Variants in MBD5 observed in about 807,000 individuals in gnomAD.
MBD5 encodes the protein methyl-CpG binding domain protein 5.
A neutral mutation model predicts 117.3 loss-of-function variants in MBD5; 13 were observed. That is an observed-to-expected ratio of 0.11 (90% confidence interval 0.07 to 0.18). MBD5 has a LOEUF of 0.18. Ranked by LOEUF, MBD5 falls within the 10% of genes least tolerant of loss-of-function variation. MBD5 has a pLI of 1.00. For missense variants in MBD5, 1,879 were observed against 2,093.8 expected, an observed-to-expected ratio of 0.90 and a Z score of 2.00; for synonymous variants, 727 against 766.4, an observed-to-expected ratio of 0.95 and a Z score of 0.85.
At chr2:148,136,774 T>C (rs949572749) in intron 1 of MBD5, among the ~76,000 whole-genome samples, 2 of 152,142 alleles carry the variant, frequency 1.3e-5, no homozygotes, top group African/African-American at 4.8e-5. Flanking sequence ...AATTTTTTTT[T>C]TTTTTGAGAC....
intron 4 of MBD5, among the ~76,000 whole-genome samples, chr2:148,427,200 G>C (rs1705822933): frequency 6.6e-6 from 1 of 152,164 alleles, no homozygotes; most frequent in Admixed American, 6.5e-5. Context: ...TTACACTGTT[G>C]GTGGGACTGT....
At chr2:148,377,889 A>G (rs1199083747) in intron 4 of MBD5, among the ~76,000 whole-genome samples, 1 of 152,186 alleles carries the variant, frequency 6.6e-6, no homozygotes, top group Non-Finnish European at 1.5e-5. Context: ...TACTTCAGAA[A>G]TTTGGTTAGT....
intron 3 of MBD5, among the ~76,000 whole-genome samples, chr2:148,313,246 G>A (rs572273130): frequency 2.1e-4 from 32 of 152,224 alleles, no homozygotes; most frequent in South Asian, 4.2e-4. Context: ...CTGAAGCTGC[G>A]CCCACAGCTG....
chr2:148,316,931 T>G (rs1422675650), intron 3 of MBD5, among the ~76,000 whole-genome samples: 2 of 152,222 alleles, frequency 1.3e-5, no homozygotes, highest in African/African-American at 4.8e-5. Context: ...TTTTGAGGTT[T>G]TAAAAGCATT....
At chr2:148,505,997 G>A (rs974491679) in intron 12 of MBD5, among the ~76,000 whole-genome samples, 3 of 152,114 alleles carry the variant, frequency 2.0e-5, no homozygotes, top group Admixed American at 2.0e-4. Flanking sequence ...CTTGGCACAT[G>A]GCATTTAGTA....
At chr2:148,136,786 G>C (rs1370241408) in intron 1 of MBD5, among the ~76,000 whole-genome samples, 4 of 150,776 alleles carry the variant, frequency 2.7e-5, no homozygotes, top group South Asian at 4.2e-4. Flanking sequence ...TTTTGAGACA[G>C]AGTTTCACTC....
At chr2:148,036,189 A>T (rs543821109) in intron 1 of MBD5, among the ~76,000 whole-genome samples, 1 of 152,264 alleles carries the variant, frequency 6.6e-6, no homozygotes, top group South Asian at 2.1e-4. Context: ...TCATAAAGAA[A>T]CAGACATACA....
chr2:148,449,863 G>A (rs897478850), intron 4 of MBD5, among the ~76,000 whole-genome samples: 43 of 151,976 alleles, frequency 2.8e-4, no homozygotes, highest in Non-Finnish European at 4.7e-4. Flanking sequence ...TTTGAAGATA[G>A]TATTTTCCGT....
intron 3 of MBD5, among the ~76,000 whole-genome samples, chr2:148,311,983 C>G (rs1702043348): frequency 6.6e-6 from 1 of 152,208 alleles, no homozygotes; most frequent in Admixed American, 6.5e-5. Context: ...GGACCCCACT[C>G]TCCTCTGGCT....
At chr2:148,388,148 T>C in intron 4 of MBD5, among the ~76,000 whole-genome samples, 1 of 152,180 alleles carries the variant, frequency 6.6e-6, no homozygotes, top group South Asian at 2.1e-4. Context: ...CAAAATACAT[T>C]GTTTTGTGAT....
intron 4 of MBD5, among the ~76,000 whole-genome samples, chr2:148,392,183 A>G (rs1704587306): frequency 6.6e-6 from 1 of 152,194 alleles, no homozygotes; most frequent in Non-Finnish European, 1.5e-5. Flanking sequence ...ATCACATTTC[A>G]TTATTGCTAT....
chr2:148,455,998 GCCACAAACTCCTTGTGAA>G (rs1248734217), intron 4 of MBD5, among the ~76,000 whole-genome samples: 2 of 152,100 alleles, frequency 1.3e-5, no homozygotes, highest in African/African-American at 2.4e-5. Context: ...ATTCCATGAG[GCCACAAACTCCTTGTGAA>G]CAGGGATTGA....
At chr2:148,226,066 C>T (rs758300500) in intron 2 of MBD5, among the ~76,000 whole-genome samples, 3 of 151,808 alleles carry the variant, frequency 2.0e-5, no homozygotes, top group Non-Finnish European at 4.4e-5. Context: ...TCTACCTTCT[C>T]TTCAAGGCCA....
intron 4 of MBD5, among the ~76,000 whole-genome samples, chr2:148,371,974 T>C (rs115500643): frequency 0.011 from 1,745 of 152,246 alleles, 36 homozygotes; most frequent in African/African-American, 0.04. Context: ...GTGGTTGAGC[T>C]AAAGCTGTAG....
chr2:148,337,121 T>C (rs1337311327), intron 3 of MBD5, among the ~76,000 whole-genome samples: 2 of 152,208 alleles, frequency 1.3e-5, no homozygotes, highest in African/African-American at 2.4e-5. Flanking sequence ...TTAGCCTTTG[T>C]CTTTGGTACC....
At chr2:148,286,247 T>A (rs895542218) in intron 3 of MBD5, among the ~76,000 whole-genome samples, 1 of 152,244 alleles carries the variant, frequency 6.6e-6, no homozygotes, top group Non-Finnish European at 1.5e-5. Context: ...TTCTGAATGA[T>A]TCTTGCTTTT....
intron 4 of MBD5, among the ~76,000 whole-genome samples, chr2:148,436,049 T>C (rs1424064949): frequency 2.0e-5 from 3 of 152,170 alleles, no homozygotes; most frequent in Admixed American, 6.5e-5. Flanking sequence ...AATAGCTACA[T>C]AGGAATGAAA....
In MBD5 at chr2:148,021,500, T is replaced by A; in HGVS notation, c.-1109T>A. 1 of 566,892 alleles carries A rather than the reference T, an allele frequency of 1.8e-6. No homozygotes were observed. The highest frequency in any genetic ancestry group is 3.4e-6 in the Non-Finnish European group (1 of 293,946). 35.1% of individuals were successfully genotyped at this position (566,892 alleles called of 1,614,324 possible). A position where few individuals can be genotyped will look rare whatever the true frequency, so the allele number is the denominator to read the frequency against. The stretch of plus-strand genomic sequence containing the variant: ...CTGCTGTTGCTGCTGCTGCTGCTAC[T>A]GCTGCTGCTGCTACTGCTGCTGCTT... On this transcript the variant is annotated 5_prime_UTR_variant, in exon 1 of 14. Transcript: ENST00000642680.
chr2:148,411,956 G>T (rs750486750), intron 4 of MBD5, among the ~76,000 whole-genome samples: 5 of 151,878 alleles, frequency 3.3e-5, no homozygotes, highest in South Asian at 2.1e-4. Context: ...CAAGGTTATT[G>T]GTTATCTTCC....
Sources: allele counts gnomAD v4.1 joint callset (sites outside exome capture counted in the v4.1 genomes callset), GRCh38; gene constraint gnomAD v4.1.1; transcripts MANE v1.5; gene names NCBI Gene and HGNC (gene_info 2026-07-23, HGNC 2026-07-21).